WDFY1: variants seen among roughly 807,000 people sequenced by gnomAD.
The protein encoded by WDFY1 is WD repeat and FYVE domain containing 1.
Under a neutral mutation model 56.4 loss-of-function variants are expected in WDFY1, and 32 were observed. The observed-to-expected ratio is 0.57, with a 90% confidence interval of 0.43 to 0.76. The LOEUF (loss-of-function observed/expected upper bound fraction) is 0.76. WDFY1 is among the 30% of genes least tolerant of loss of function. The pLI is 0.00. For synonymous variants in WDFY1, 192 were observed against 197.3 expected, an observed-to-expected ratio of 0.97 and a Z score of 0.23; for missense variants, 480 against 545.7, an observed-to-expected ratio of 0.88 and a Z score of 1.20.
In WDFY1 at chr2:223,884,664, G is replaced by T. The variant is rs970883685; in HGVS notation, c.917C>A (p.Thr306Lys). The change falls in exon 9 of 12, where the codon ACG (threonine) becomes AAG (lysine). Residue 306 changes from threonine to lysine, a missense_variant. Transcript: ENST00000233055. ...GCTACTCACTTGTCTTAGCCCCAGC[G>T]TCTTGGTGTCCCACATCTGCTTTAT... is the stretch of plus-strand genomic sequence containing the variant. ...WNIKQMWDTKTLGLRQHHCRK... is the reference protein window; with the variant it reads ...WNIKQMWDTKKLGLRQHHCRK... 6.2e-7 allele frequency: 1 copy of T among 1,614,038 alleles called. No homozygotes were observed. Among genetic ancestry groups the T allele is most frequent in the Non-Finnish European group, 8.5e-7 (1 of 1,179,972 alleles).
chr2:223,879,768 G>T (rs1016709037), intron 11 of WDFY1, among the ~76,000 whole-genome samples: 4 of 152,126 alleles, frequency 2.6e-5, no homozygotes, highest in Admixed American at 1.3e-4. Flanking sequence ...TACTGAGGAC[G>T]CATTCTGCCC....
intron 1 of WDFY1, among the ~76,000 whole-genome samples, chr2:223,924,336 T>C (rs888206316): frequency 6.6e-6 from 1 of 152,204 alleles, no homozygotes; most frequent in African/African-American, 2.4e-5. Flanking sequence ...TATACATATA[T>C]AACTTACAGG....
chr2:223,901,968 A>G (rs1028234091), intron 4 of WDFY1, among the ~76,000 whole-genome samples: 2 of 152,230 alleles, frequency 1.3e-5, no homozygotes, highest in African/African-American at 4.8e-5. Context: ...AACTCTGGAA[A>G]TATTTCCAGG....
intron 7 of WDFY1, 48 bp from the exon 8 acceptor site, chr2:223,894,387 C>G: frequency 6.3e-7 from 1 of 1,593,096 alleles, no homozygotes. Context: ...CGGAAAAACA[C>G]AGGAACTGTC....
At chr2:223,891,312 T>C (rs1693272056) in intron 8 of WDFY1, among the ~76,000 whole-genome samples, 5 of 137,470 alleles carry the variant, frequency 3.6e-5, no homozygotes, top group Middle Eastern at 4.1e-3. Flanking sequence ...GAAACTAGGA[T>C]GCGAAGGTTG....
At chr2:223,920,315 G>A (rs1192939161) in intron 1 of WDFY1, among the ~76,000 whole-genome samples, 1 of 152,240 alleles carries the variant, frequency 6.6e-6, no homozygotes, top group East Asian at 1.9e-4. Context: ...CCAGCAGGCT[G>A]GGCCCACGCG....
chr2:223,917,560 CA>C (rs1241521005), intron 2 of WDFY1, among the ~76,000 whole-genome samples: 1 of 152,090 alleles, frequency 6.6e-6, no homozygotes, highest in African/African-American at 2.4e-5. Context: ...AATATTTAAT[CA>C]GACATTTTGA....
chr2:223,943,271 C>T (rs2106108061), intron 1 of WDFY1, among the ~76,000 whole-genome samples: 2 of 152,136 alleles, frequency 1.3e-5, no homozygotes, highest in Non-Finnish European at 2.9e-5. Flanking sequence ...CGATCTCTCT[C>T]ACTCCTTTCT....
intron 8 of WDFY1, among the ~76,000 whole-genome samples, chr2:223,890,726 T>C (rs775124065): frequency 7.9e-5 from 12 of 152,208 alleles, no homozygotes; most frequent in Non-Finnish European, 1.5e-5. Flanking sequence ...ATAAATTCCA[T>C]TGCTCTACTG....
At chr2:223,934,773 G>A (rs367681807) in intron 1 of WDFY1, among the ~76,000 whole-genome samples, 8 of 152,140 alleles carry the variant, frequency 5.3e-5, no homozygotes, top group Admixed American at 6.5e-5. Flanking sequence ...CACCTGCCTC[G>A]GCCTCCCAAA....
intron 1 of WDFY1, among the ~76,000 whole-genome samples, chr2:223,944,781 G>A (rs1237028374): frequency 1.3e-5 from 2 of 151,196 alleles, no homozygotes; most frequent in East Asian, 3.9e-4. Context: ...AGGTGGGCTG[G>A]GAGGGGCGCG....
intron 3 of WDFY1, among the ~76,000 whole-genome samples, chr2:223,910,197 T>G (rs670815): frequency 0.86 from 131,470 of 152,092 alleles, 57,305 homozygotes; most frequent in Non-Finnish European, 0.93. Context: ...GATAACTGGA[T>G]GTCCACATAC....
At chr2:223,901,978 G>A (rs2106082828) in intron 4 of WDFY1, among the ~76,000 whole-genome samples, 1 of 152,304 alleles carries the variant, frequency 6.6e-6, no homozygotes, top group South Asian at 2.1e-4. Context: ...ATATTTCCAG[G>A]TCAATTATAA....
intron 1 of WDFY1, among the ~76,000 whole-genome samples, chr2:223,944,075 A>T (rs1029142497): frequency 4.6e-5 from 7 of 152,266 alleles, no homozygotes; most frequent in Non-Finnish European, 8.8e-5. Flanking sequence ...AAATATTTTT[A>T]AAAATGAGTC....
intron 5 of WDFY1, among the ~76,000 whole-genome samples, chr2:223,900,701 C>T (rs1693492905): frequency 1.3e-5 from 2 of 152,154 alleles, no homozygotes; most frequent in Admixed American, 1.3e-4. Flanking sequence ...GGAACAAACC[C>T]CAGGGCTATA....
chr2:223,934,445 G>A (rs1017752577), intron 1 of WDFY1, among the ~76,000 whole-genome samples: 1 of 152,018 alleles, frequency 6.6e-6, no homozygotes, highest in Non-Finnish European at 1.5e-5. Flanking sequence ...CAGATTTGTT[G>A]ACTGATTCAA....
chr2:223,891,014 C>A (rs1019597233), intron 8 of WDFY1, among the ~76,000 whole-genome samples: 2 of 152,070 alleles, frequency 1.3e-5, no homozygotes, highest in African/African-American at 2.4e-5. Flanking sequence ...GAGAGAAATT[C>A]CAGGCAAGCA....
chr2:223,907,479 GC>G (rs1271140824), intron 3 of WDFY1, among the ~76,000 whole-genome samples: 11 of 152,232 alleles, frequency 7.2e-5, no homozygotes, highest in South Asian at 2.1e-4. Flanking sequence ...GCTAACTAAT[GC>G]TAAATTGGAT....
chr2:223,913,319 A>C (rs1252059708), intron 2 of WDFY1, among the ~76,000 whole-genome samples: 1 of 152,224 alleles, frequency 6.6e-6, no homozygotes, highest in Non-Finnish European at 1.5e-5. Flanking sequence ...CACCAAAGGA[A>C]GGAAGTAAAC....
Sources: gnomAD v4.1 joint callset for allele counts (sites outside exome capture counted in the v4.1 genomes callset) on GRCh38, gnomAD v4.1.1 for gene constraint, MANE v1.5 for transcripts, NCBI Gene and HGNC (gene_info 2026-07-23, HGNC 2026-07-21) for gene names.